The following HRH1 variants were observed in gnomAD, a reference collection of about 807,000 sequenced individuals.
The protein encoded by HRH1 is histamine H1 receptor.
In HRH1, 6 loss-of-function variants were observed where a neutral mutation model predicts 10.3. The observed-to-expected ratio is 0.58, with a 90% CI of 0.32 to 1.15. The LOEUF is 1.15. Ranked by LOEUF, HRH1 falls within the 50% of genes most tolerant of loss-of-function variation. HRH1 has a pLI of 0.05. For missense variants in HRH1, 514 were observed against 615.3 expected (o/e 0.84, Z 1.74); for synonymous variants, 242 against 236.7 (o/e 1.02, Z -0.21).
At chr3:11,204,223 C>A (rs112908058) in intron 1 of HRH1, among the ~76,000 whole-genome samples, 2,439 of 152,254 alleles carry the variant, frequency 0.016, 24 homozygotes, top group Non-Finnish European at 0.026. Flanking sequence ...GAACCAGGAG[C>A]TGGAGATGCA....
intron 1 of HRH1, among the ~76,000 whole-genome samples, chr3:11,202,415 T>TAAATAAAG (rs1937959563): frequency 6.8e-6 from 1 of 146,528 alleles, no homozygotes; most frequent in Non-Finnish European, 1.5e-5. Flanking sequence ...AATAAATAAA[T>TAAATAAAG]AAATAAATAA....
chr3:11,172,275 A>G (rs1937165519), intron 1 of HRH1, among the ~76,000 whole-genome samples: 3 of 152,160 alleles, frequency 2.0e-5, no homozygotes, highest in Non-Finnish European at 2.9e-5. Context: ...CTCAGGGTGG[A>G]GGTGCAGGGG....
At chr3:11,236,355 G>T (rs867813253) in intron 1 of HRH1, among the ~76,000 whole-genome samples, 1 of 152,224 alleles carries the variant, frequency 6.6e-6, no homozygotes, top group Non-Finnish European at 1.5e-5. Context: ...CTTGAACCAA[G>T]GAGGCGGAGG....
At chr3:11,236,741 C>T (rs1303003755) in intron 1 of HRH1, among the ~76,000 whole-genome samples, 2 of 152,214 alleles carry the variant, frequency 1.3e-5, no homozygotes, top group Non-Finnish European at 2.9e-5. Context: ...TAAATAACCC[C>T]TGTATATAAA....
In HRH1 at chr3:11,229,059, G is replaced by A. The variant is rs528995109; in HGVS notation, c.-35-29944G>A. On this transcript the variant is annotated intron_variant, in intron 1 of 1. Transcript: ENST00000431010. ...AGAAGGAACAGTTAAGATGGACGTC[G>A]TAGAATAAATAGAAGTTCATTGACA... 2.9e-4 allele frequency among the ~76,000 whole-genome samples: 44 copies of A among 152,256 alleles called. No homozygotes were observed. In the South Asian group the frequency reaches 6.2e-3, roughly 22 times the overall value.
chr3:11,229,617 G>A (rs1358937316), intron 1 of HRH1, among the ~76,000 whole-genome samples: 1 of 152,034 alleles, frequency 6.6e-6, no homozygotes, highest in Non-Finnish European at 1.5e-5. Flanking sequence ...GTGCTGGGAG[G>A]TTTTCAACCT....
chr3:11,215,733 G>A (rs995646891), intron 1 of HRH1, among the ~76,000 whole-genome samples: 68 of 152,278 alleles, frequency 4.5e-4, no homozygotes, highest in African/African-American at 1.5e-3. Flanking sequence ...GAGCCACCGC[G>A]CCCAGCCGGG....
chr3:11,260,387 C>T lies in HRH1; in HGVS notation c.1350C>T (p.His450=), dbSNP rs1405005915. The change falls in exon 2 of 2, where the codon CAC becomes CAT. Residue 450 remains histidine, a synonymous_variant. Coordinates refer to ENST00000431010, the MANE Select transcript of HRH1 (RefSeq NM_001098212.2). ...AGAACTGTTGCAATGAACATTTGCA[C>T]ATGTTCACCATCTGGCTGGGCTACA... ...FCKNCCNEHL[H]MFTIWLGYIN... is the part of the protein sequence containing the mutation. 8 of 1,614,144 alleles carry T rather than the reference C, an allele frequency of 5.0e-6. No individual in the cohort carries two copies. Among genetic ancestry groups the T allele is most frequent in the Non-Finnish European group, 6.8e-6 (8 of 1,179,964 alleles).
intron 1 of HRH1, among the ~76,000 whole-genome samples, chr3:11,201,497 G>A (rs1215899527): frequency 6.6e-6 from 1 of 152,096 alleles, no homozygotes; most frequent in African/African-American, 2.4e-5. Flanking sequence ...ATGAGGGAGA[G>A]GAGCTAAGAG....
upstream of HRH1, among the ~76,000 whole-genome samples, chr3:11,151,576 C>A (rs1350371745): frequency 6.6e-6 from 1 of 152,150 alleles, no homozygotes; most frequent in East Asian, 1.9e-4. Flanking sequence ...TAGCTCACTG[C>A]AGCCTTGATC....
chr3:11,238,220 C>T (rs1939239967), intron 1 of HRH1, among the ~76,000 whole-genome samples: 1 of 152,294 alleles, frequency 6.6e-6, no homozygotes, highest in East Asian at 1.9e-4. Flanking sequence ...AGAAAGATCA[C>T]AGATGTGCGG....
At chr3:11,258,225 A>G (rs1378080415) in intron 1 of HRH1, among the ~76,000 whole-genome samples, 1 of 137,456 alleles carries the variant, frequency 7.3e-6, no homozygotes, top group Non-Finnish European at 1.5e-5. Flanking sequence ...AAGAACTGCC[A>G]CAACAGTGAT....
At chr3:11,238,786 G>A (rs1212240774) in intron 1 of HRH1, among the ~76,000 whole-genome samples, 1 of 152,146 alleles carries the variant, frequency 6.6e-6, no homozygotes. Context: ...CATTCAATGT[G>A]TTGCCTTTTG....
intron 1 of HRH1, among the ~76,000 whole-genome samples, chr3:11,190,842 G>C (rs1307030196): frequency 6.6e-6 from 1 of 152,156 alleles, no homozygotes; most frequent in Non-Finnish European, 1.5e-5. Context: ...TGTGGCTCCA[G>C]AAACTCTCCT....
chr3:11,156,199 G>A (rs1220444388), intron 1 of HRH1, among the ~76,000 whole-genome samples: 5 of 152,184 alleles, frequency 3.3e-5, no homozygotes, highest in East Asian at 1.9e-4. Context: ...GAGAATCTAC[G>A]GAGAAGGGCA....
chr3:11,142,472 A>G (rs2124992229), intron 1 of HRH1, among the ~76,000 whole-genome samples: 1 of 152,332 alleles, frequency 6.6e-6, no homozygotes, highest in East Asian at 1.9e-4. Context: ...AGTCACTCAC[A>G]TTCAAATGGA....
intron 1 of HRH1, among the ~76,000 whole-genome samples, chr3:11,146,791 A>G (rs368086068): frequency 6.6e-6 from 1 of 152,234 alleles, no homozygotes; most frequent in East Asian, 1.9e-4. Context: ...TATGTCTACC[A>G]GAATTCTCTG....
At chr3:11,233,398 A>G (rs1939093142) in intron 1 of HRH1, among the ~76,000 whole-genome samples, 2 of 152,056 alleles carry the variant, frequency 1.3e-5, no homozygotes, top group African/African-American at 2.4e-5. Context: ...TTTTGAGTCC[A>G]TCAATTGGGT....
At chr3:11,168,250 G>T (rs1264933946) in intron 1 of HRH1, among the ~76,000 whole-genome samples, 2 of 152,196 alleles carry the variant, frequency 1.3e-5, no homozygotes, top group South Asian at 4.1e-4. Flanking sequence ...GGTGAGTGTA[G>T]GAGATGGAGT....
Sources: gnomAD v4.1 joint callset for allele counts (sites outside exome capture counted in the v4.1 genomes callset) on GRCh38, gnomAD v4.1.1 for gene constraint, MANE v1.5 for transcripts, NCBI Gene and HGNC (gene_info 2026-07-23, HGNC 2026-07-21) for gene names.